The following CIAPIN1 variants were observed in gnomAD, a reference collection of about 807,000 sequenced individuals.
The protein encoded by CIAPIN1 is anamorsin.
CIAPIN1 carries 18 observed loss-of-function variants against 34.3 expected under a neutral mutation model. That is an observed-to-expected ratio of 0.52 (90% CI 0.36 to 0.78). The LOEUF (loss-of-function observed/expected upper bound fraction) is 0.78. Among genes scored for constraint, CIAPIN1 ranks in the 30% least tolerant of loss-of-function variants. The pLI is 0.00. For missense variants in CIAPIN1, 310 were observed against 372.5 expected (o/e 0.83, Z 1.38); for synonymous variants, 131 against 140.4 (o/e 0.93, Z 0.47).
chr16:57,433,784 C>T, intron 5 of CIAPIN1: 1 of 386,886 alleles, frequency 2.6e-6, no homozygotes, highest in Non-Finnish European at 4.9e-6. Context: ...CTGTGTGACT[C>T]AGTCCTGTAA....
Position 57,429,285 on chromosome 16 carries a change from A to C in CIAPIN1, c.829-5T>G, listed in dbSNP as rs766104233. ...GAAGGCATCGCCCAGGTAGCACTGG[A>C]GAGAGAGAATGGGGAAGCCAAGGGT... On this transcript the variant is annotated splice_region_variant and splice_polypyrimidine_tract_variant and intron_variant, in intron 8 of 8. Transcript: ENST00000394391. 4 of 1,603,818 alleles carry C rather than the reference A, an allele frequency of 2.5e-6. No individual in the cohort carries two copies. In the Admixed American group the frequency reaches 6.7e-5, roughly 27 times the overall value.
In CIAPIN1 at chr16:57,433,523, C is replaced by CTGTGTGTGTGTGTG. The variant is rs147834361; in HGVS notation, c.556+507_556+520dup. The CTGTGTGTGTGTGTG allele has an allele frequency of 2.6e-5, 4 of 156,034 alleles. No individual in the cohort carries two copies. In the South Asian group the frequency reaches 7.4e-4, roughly 29 times the overall value. 9.7% of individuals were successfully genotyped at this position (156,034 alleles called of 1,614,324 possible). A position where few individuals can be genotyped will look rare whatever the true frequency, so the allele number is the denominator to read the frequency against. ...AGGGATAGGAAGGATGAGGATGGAGCTGTGTGTGTGTGTGTGTGTGCGTGC... is the reference window on the plus strand; with the variant it reads ...AGGGATAGGAAGGATGAGGATGGAGCTGTGTGTGTGTGTGTGTGTGTGTGTGTGTGTGTGCGTGC... On this transcript the variant is annotated intron_variant, in intron 5 of 8. Transcript: ENST00000394391.
intron 8 of CIAPIN1, among the ~76,000 whole-genome samples, chr16:57,429,982 CT>C (rs1340394775): frequency 6.6e-6 from 1 of 152,160 alleles, no homozygotes; most frequent in Non-Finnish European, 1.5e-5. Context: ...ACACAACCAA[CT>C]TTAGCTAACT....
intron 6 of CIAPIN1, chr16:57,431,607 AAGAG>A (rs1261058715): frequency 5.6e-6 from 1 of 177,516 alleles, no homozygotes; most frequent in Admixed American, 5.9e-5. Context: ...AGAACAGAGA[AAGAG>A]AGAAGTGTTT....
intron 3 of CIAPIN1, among the ~76,000 whole-genome samples, chr16:57,437,998 A>C (rs912261120): frequency 1.3e-5 from 2 of 152,182 alleles, no homozygotes; most frequent in Admixed American, 1.3e-4. Flanking sequence ...TGAACTGCAA[A>C]GTGCACAGAA....
intron 6 of CIAPIN1, 87 bp downstream of exon 6, chr16:57,432,388 ATACGTTCACACC>A: frequency 2.1e-6 from 2 of 939,478 alleles, no homozygotes; most frequent in South Asian, 3.4e-5. Flanking sequence ...TGGGCTTTAA[ATACGTTCACACC>A]TACAAGTCCA....
intron 6 of CIAPIN1, among the ~76,000 whole-genome samples, 177 bp downstream of exon 6, chr16:57,432,309 TC>T (rs576627413): frequency 1.5e-3 from 222 of 149,302 alleles, no homozygotes; most frequent in African/African-American, 5.1e-3. Flanking sequence ...CGAGACTGTC[TC>T]CAAAAAAAAA....
intron 3 of CIAPIN1, among the ~76,000 whole-genome samples, chr16:57,438,476 A>G (rs1432488927): frequency 6.6e-6 from 1 of 152,254 alleles, no homozygotes; most frequent in Non-Finnish European, 1.5e-5. Flanking sequence ...CCCTCCCCAC[A>G]GTTAACATCT....
chr16:57,437,889 T>C (rs1190983801), intron 3 of CIAPIN1, among the ~76,000 whole-genome samples: 1 of 151,820 alleles, frequency 6.6e-6, no homozygotes, highest in East Asian at 1.9e-4. Flanking sequence ...ACCTAAGCTC[T>C]TAAATGTTAT....
intron 2 of CIAPIN1, 102 bp from the exon 3 acceptor site, chr16:57,439,436 T>G: frequency 8.6e-7 from 1 of 1,165,934 alleles, no homozygotes; most frequent in Non-Finnish European, 1.3e-6. Flanking sequence ...CCTGAGAGAA[T>G]GGACACCACT....
rs1003470692 is a variant in CIAPIN1, at chr16:57,430,590, A to T, written c.747-251T>A. ...ACTACTCAAGCTTCAGCTGGTTATC[A>T]TGCTGGGGAAAGTGGACCCAGATTG... On this transcript the variant is annotated intron_variant, in intron 7 of 8. Coordinates refer to ENST00000394391, the MANE Select transcript of CIAPIN1 (RefSeq NM_020313.4). The T allele has an allele frequency of 9.5e-4, 392 of 414,552 alleles. 3 individuals carry two copies. Among genetic ancestry groups the T allele is most frequent in the Non-Finnish European group, 1.2e-3 (269 of 231,248 alleles). 25.7% of individuals were successfully genotyped at this position (414,552 alleles called of 1,614,324 possible). A position where few individuals can be genotyped will look rare whatever the true frequency, so the allele number is the denominator to read the frequency against.
chr16:57,440,025 A>C (rs1903292072), intron 2 of CIAPIN1, among the ~76,000 whole-genome samples: 1 of 152,254 alleles, frequency 6.6e-6, no homozygotes, highest in Non-Finnish European at 1.5e-5. Context: ...ACAAAAGTGA[A>C]TAGGAGAAAT....
chr16:57,438,703 G>C (rs1347226464), intron 3 of CIAPIN1, among the ~76,000 whole-genome samples: 1 of 152,080 alleles, frequency 6.6e-6, no homozygotes, highest in Non-Finnish European at 1.5e-5. Flanking sequence ...CCCCTTTATA[G>C]CTCCACCAAC....
intron 8 of CIAPIN1, among the ~76,000 whole-genome samples, chr16:57,429,713 C>T (rs150066983): frequency 1.3e-5 from 2 of 151,680 alleles, no homozygotes; most frequent in African/African-American, 2.4e-5. Context: ...AGGATGGTCT[C>T]GATCTCCTGA....
intron 2 of CIAPIN1, among the ~76,000 whole-genome samples, chr16:57,440,350 G>A (rs540261842): frequency 8.5e-5 from 13 of 152,144 alleles, no homozygotes; most frequent in Middle Eastern, 3.4e-3. Context: ...CTCTGCCCCC[G>A]TTTGCCTTAT....
At chr16:57,431,301 G>T in intron 6 of CIAPIN1, 35 bp from the exon 7 acceptor site, 2 of 1,430,164 alleles carry the variant, frequency 1.4e-6, no homozygotes, top group Non-Finnish European at 2.0e-6. Context: ...TGATACAGTC[G>T]TGGTCTCTGC....
intron 1 of CIAPIN1, among the ~76,000 whole-genome samples, chr16:57,445,834 GTTTTTTTTTTTTTTTTTTTT>G (rs751037117): frequency 1.4e-5 from 1 of 70,450 alleles, no homozygotes; most frequent in African/African-American, 6.0e-5. Context: ...GACCTTAGAG[GTTTTTTTTTTTTTTTTTTTT>G]TTTTTTTTTT....
rs765800982 is a variant in CIAPIN1 at position 57,440,972 on chromosome 16, A to G, written c.-44T>C. On this transcript the variant is annotated 5_prime_UTR_variant, in exon 2 of 9. Coordinates refer to ENST00000394391, the MANE Select transcript of CIAPIN1 (RefSeq NM_020313.4). ...ACAGACCTAAAAACTGCTGGCCAAA[A>G]GGGAATCAAGACTGGGCAGAGACAA... 3.8e-6 allele frequency: 6 copies of G among 1,590,196 alleles called. No homozygotes were observed. Among genetic ancestry groups the G allele is most frequent in the Admixed American group, 1.9e-5 (1 of 53,874 alleles).
intron 6 of CIAPIN1, 109 bp from the exon 7 acceptor site, chr16:57,431,375 G>T: frequency 1.6e-6 from 1 of 631,390 alleles, no homozygotes; most frequent in Non-Finnish European, 2.8e-6. Flanking sequence ...TAAAGAAGGT[G>T]TCCACCCTGT....
Sources: allele counts gnomAD v4.1 joint callset (sites outside exome capture counted in the v4.1 genomes callset), GRCh38; gene constraint gnomAD v4.1.1; transcripts MANE v1.5; gene names NCBI Gene and HGNC (gene_info 2026-07-23, HGNC 2026-07-21).